Variants in NAV2 observed in about 807,000 individuals in gnomAD.
NAV2 encodes the protein helicase, APC down-regulated 1.
Under a neutral mutation model 223.2 loss-of-function variants are expected in NAV2, and 54 were observed. The observed-to-expected ratio is 0.24, with a 90% CI of 0.19 to 0.30. NAV2 has a LOEUF of 0.30. Among genes scored for constraint, NAV2 ranks in the 10% least tolerant of loss-of-function variants. The pLI, the probability that NAV2 is intolerant of heterozygous loss-of-function variation, is 1.00. For synonymous variants in NAV2, 1,279 were observed against 1,239.3 expected, an observed-to-expected ratio of 1.03 and a Z score of -0.67; for missense variants, 2,806 against 3,147.5, an observed-to-expected ratio of 0.89 and a Z score of 2.60.
intron 5 of NAV2, among the ~76,000 whole-genome samples, chr11:19,883,193 G>A (rs1460157986): frequency 1.3e-5 from 2 of 152,208 alleles, no homozygotes; most frequent in African/African-American, 4.8e-5. Context: ...CCCCTGGGGG[G>A]TAGCAAATAC....
intron 1 of NAV2, among the ~76,000 whole-genome samples, chr11:19,691,622 C>T (rs1304630724): frequency 6.6e-6 from 1 of 152,088 alleles, no homozygotes; most frequent in Non-Finnish European, 1.5e-5. Flanking sequence ...GGCTGGAGTG[C>T]AGTGGCATGA....
intron 1 of NAV2, among the ~76,000 whole-genome samples, chr11:19,731,507 G>A (rs2152418013): frequency 6.6e-6 from 1 of 152,366 alleles, no homozygotes; most frequent in Middle Eastern, 3.4e-3. Context: ...GAACAAAAGA[G>A]CAACTATAAT....
intron 3 of NAV2, among the ~76,000 whole-genome samples, chr11:19,859,590 T>C (rs769928438): frequency 9.4e-4 from 143 of 152,116 alleles, no homozygotes; most frequent in Non-Finnish European, 1.8e-3. Context: ...TTTCCCCACC[T>C]TTCCCCCCTT....
At chr11:19,723,211 A>G (rs116472129) in intron 1 of NAV2, among the ~76,000 whole-genome samples, 1 of 152,332 alleles carries the variant, frequency 6.6e-6, no homozygotes, top group African/African-American at 2.4e-5. Context: ...AGGAATGATG[A>G]TCACAGCAAC....
intron 1 of NAV2, among the ~76,000 whole-genome samples, chr11:19,815,767 G>A (rs1173637770): frequency 6.6e-6 from 1 of 152,178 alleles, no homozygotes; most frequent in Non-Finnish European, 1.5e-5. Context: ...ATGCAATGGG[G>A]AGAATGCAAG....
intron 1 of NAV2, among the ~76,000 whole-genome samples, chr11:19,737,217 C>T (rs1380442878): frequency 6.6e-6 from 1 of 152,220 alleles, no homozygotes; most frequent in African/African-American, 2.4e-5. Context: ...CTGGTCAATC[C>T]CAGCCACTGG....
chr11:19,638,306 A>G (rs1274741246), intron 1 of NAV2, among the ~76,000 whole-genome samples: 1 of 152,220 alleles, frequency 6.6e-6, no homozygotes, highest in African/African-American at 2.4e-5. Context: ...AGTAGTAAGT[A>G]AAACCCAGGG....
intron 1 of NAV2, among the ~76,000 whole-genome samples, chr11:19,739,325 A>G (rs1391465786): frequency 2.0e-5 from 3 of 152,236 alleles, no homozygotes; most frequent in Non-Finnish European, 4.4e-5. Context: ...TCAGTTAATC[A>G]TCGTAGCAAC....
chr11:19,374,733 G>C (rs944734364), intron 1 of NAV2, among the ~76,000 whole-genome samples: 3 of 152,168 alleles, frequency 2.0e-5, no homozygotes, highest in Admixed American at 2.0e-4. Flanking sequence ...ATTCAGGAGA[G>C]ATCAGGATGT....
At chr11:19,863,554 G>C (rs2061916011) in intron 3 of NAV2, among the ~76,000 whole-genome samples, 1 of 151,986 alleles carries the variant, frequency 6.6e-6, no homozygotes, top group South Asian at 2.1e-4. Context: ...TAGGTGCTTG[G>C]GGCTACATCA....
chr11:20,004,479 T>C (rs1017956157), intron 11 of NAV2, among the ~76,000 whole-genome samples: 3 of 152,168 alleles, frequency 2.0e-5, no homozygotes, highest in Non-Finnish European at 4.4e-5. Flanking sequence ...AATGCAGGGC[T>C]CTGGCCAGAG....
In NAV2 at chr11:19,713,795, C is replaced by T. The variant is rs750666461; in HGVS notation, c.100C>T (p.Pro34Ser). The change falls in exon 1 of 38, where the codon CCC (proline) becomes TCC (serine). Residue 34 changes from proline (P) to serine (S), a missense_variant. Around this residue, in one of 4 missense-constraint regions of NAV2, gnomAD observed 1,167 missense variants for 1,180.5 expected, o/e 0.99. Coordinates refer to ENST00000349880, the MANE Select transcript of NAV2 (RefSeq NM_145117.5). The surrounding 1 kb of genome is among the most constrained non-coding windows in gnomAD (Gnocchi z 7.2). Reference protein sequence around the residue: ...ILHVPPARAGPQPCYLKLGSK... With the variant: ...ILHVPPARAGSQPCYLKLGSK... ...GCACGTGCCCCCGGCCCGGGCGGGC[C>T]CCCAGCCCTGCTACCTGAAGTTGGG... is the stretch of plus-strand genomic sequence containing the variant. 1 of 1,613,020 alleles carries T rather than the reference C, an allele frequency of 6.2e-7. No homozygotes were observed. The highest frequency in any genetic ancestry group is 1.1e-5 in the South Asian group (1 of 90,960).
At chr11:19,645,043 A>G (rs1372740102) in intron 1 of NAV2, among the ~76,000 whole-genome samples, 2 of 152,244 alleles carry the variant, frequency 1.3e-5, no homozygotes, top group Non-Finnish European at 2.9e-5. Flanking sequence ...TTGTGGCTTA[A>G]AACAACGCAA....
At chr11:19,604,067 A>G (rs1362623194) in intron 1 of NAV2, among the ~76,000 whole-genome samples, 3 of 151,916 alleles carry the variant, frequency 2.0e-5, no homozygotes, top group Non-Finnish European at 4.4e-5. Flanking sequence ...GTAGCATCAG[A>G]GAGGCAGTGG....
chr11:19,513,004 ACT>A (rs1357470762), intron 1 of NAV2, among the ~76,000 whole-genome samples: 2 of 152,076 alleles, frequency 1.3e-5, no homozygotes, highest in Non-Finnish European at 2.9e-5. Context: ...ACGATACGTA[ACT>A]CTACCTGCAC....
chr11:19,767,039 C>T (rs2055285320), intron 1 of NAV2, among the ~76,000 whole-genome samples: 3 of 152,262 alleles, frequency 2.0e-5, no homozygotes, highest in African/African-American at 4.8e-5. Flanking sequence ...ATGGGATGGA[C>T]TGGGTAGTGA....
intron 3 of NAV2, among the ~76,000 whole-genome samples, chr11:19,845,223 A>G (rs143748975): frequency 9.1e-4 from 138 of 152,342 alleles, no homozygotes; most frequent in African/African-American, 3.1e-3. Flanking sequence ...ATTTGAGAAG[A>G]TGGCATAGGG....
intron 37 of NAV2, 107 bp downstream of exon 37, chr11:20,114,902 C>A: frequency 8.8e-7 from 1 of 1,140,638 alleles, no homozygotes; most frequent in Non-Finnish European, 1.2e-6. Flanking sequence ...TCCAGCCTTG[C>A]TTTGGAAGGC....
At chr11:20,042,224 T>A (rs2056988651) in intron 12 of NAV2, among the ~76,000 whole-genome samples, 1 of 152,242 alleles carries the variant, frequency 6.6e-6, no homozygotes, top group Non-Finnish European at 1.5e-5. Flanking sequence ...AAGATAACAG[T>A]ACTTGAGTAC....
Sources: allele counts gnomAD v4.1 joint callset (sites outside exome capture counted in the v4.1 genomes callset), GRCh38; gene constraint gnomAD v4.1.1; regional missense constraint gnomAD v4.1.1; non-coding constraint Gnocchi (gnomAD v3.1); transcripts MANE v1.5; gene names NCBI Gene and HGNC (gene_info 2026-07-23, HGNC 2026-07-21).